KCNH7: variants seen among roughly 807,000 people sequenced by gnomAD.
KCNH7 encodes the protein potassium voltage-gated channel subfamily H member 7, also known as voltage-gated inwardly rectifying potassium channel KCNH7.
KCNH7 carries 49 observed loss-of-function variants against 120.8 expected under a neutral mutation model. The ratio of observed to expected loss-of-function variants is 0.41; its 90% CI spans 0.32 to 0.51. The LOEUF (loss-of-function observed/expected upper bound fraction) is 0.51, where lower values mean the gene tolerates loss of function less well. Ranked by LOEUF, KCNH7 falls within the 20% of genes least tolerant of loss-of-function variation. KCNH7 has a pLI of 0.38. For synonymous variants in KCNH7, 547 were observed against 516.1 expected (o/e 1.06, Z -0.81); for missense variants, 1,097 against 1,446.6 (o/e 0.76, Z 3.92).
At chr2:162,829,564 G>A (rs1308609479) in intron 2 of KCNH7, among the ~76,000 whole-genome samples, 4 of 152,114 alleles carry the variant, frequency 2.6e-5, no homozygotes, top group Non-Finnish European at 5.9e-5. Flanking sequence ...TAAGTCATTG[G>A]TGGGGTAGCA....
At chr2:162,490,455 T>C (rs1690259031) in intron 6 of KCNH7, among the ~76,000 whole-genome samples, 1 of 152,216 alleles carries the variant, frequency 6.6e-6, no homozygotes, top group African/African-American at 2.4e-5. Context: ...TCTTCCTGGT[T>C]GTAAGACAAG....
intron 2 of KCNH7, among the ~76,000 whole-genome samples, chr2:162,626,942 G>T (rs1263193014): frequency 6.6e-6 from 1 of 152,140 alleles, no homozygotes; most frequent in African/African-American, 2.4e-5. Flanking sequence ...TCAAAGATAA[G>T]AATTTTAAAA....
rs113105007 is a variant in KCNH7 at position 162,414,541 on chromosome 2, C to T, written c.2154+8795G>A. On this transcript the variant is annotated intron_variant, in intron 9 of 15. Transcript: ENST00000332142. ...ATTAGCCAAGTTGGAGATATTTTCA[C>T]GAGATATTAAGGGAGAAACATGGAC... is the stretch of plus-strand genomic sequence containing the variant. Among the ~76,000 whole-genome samples, 449 of 151,520 alleles carry T rather than the reference C, an allele frequency of 3.0e-3. 2 individuals carry two copies. The highest frequency in any genetic ancestry group is 9.5e-3 in the African/African-American group (392 of 41,340).
intron 2 of KCNH7, among the ~76,000 whole-genome samples, chr2:162,568,198 A>C (rs1300506464): frequency 6.6e-6 from 1 of 151,994 alleles, no homozygotes; most frequent in East Asian, 1.9e-4. Flanking sequence ...TATCACGAGA[A>C]CAACATGGGG....
chr2:162,586,379 G>C (rs1694021659), intron 2 of KCNH7, among the ~76,000 whole-genome samples: 1 of 152,038 alleles, frequency 6.6e-6, no homozygotes, highest in South Asian at 2.1e-4. Flanking sequence ...ACCACGTGGG[G>C]AGAAAGGCCC....
chr2:162,492,680 T>G (rs1690348700), intron 6 of KCNH7, among the ~76,000 whole-genome samples: 1 of 152,162 alleles, frequency 6.6e-6, no homozygotes, highest in South Asian at 2.1e-4. Context: ...GCTTATTGGC[T>G]TCACCTGTGA....
At chr2:162,638,174 T>C (rs976170800) in intron 2 of KCNH7, among the ~76,000 whole-genome samples, 5 of 152,168 alleles carry the variant, frequency 3.3e-5, no homozygotes, top group South Asian at 4.1e-4. Flanking sequence ...ATACCAAGGA[T>C]TGTGCTATAA....
chr2:162,663,701 T>C (rs573766779), intron 2 of KCNH7, among the ~76,000 whole-genome samples: 2 of 152,050 alleles, frequency 1.3e-5, no homozygotes, highest in African/African-American at 4.8e-5. Flanking sequence ...CTAATATTAG[T>C]ATTGAAAATA....
At chr2:162,742,618 AAT>A (rs1431551687) in intron 2 of KCNH7, among the ~76,000 whole-genome samples, 1 of 152,194 alleles carries the variant, frequency 6.6e-6, no homozygotes, top group Admixed American at 6.5e-5. Context: ...AATTATCTGC[AAT>A]TCAACTAATT....
intron 5 of KCNH7, among the ~76,000 whole-genome samples, chr2:162,508,288 C>A (rs1053838358): frequency 1.3e-5 from 2 of 149,990 alleles, no homozygotes; most frequent in African/African-American, 4.9e-5. Context: ...CTCTTATTTG[C>A]AGGTAGAAAA....
chr2:162,499,770 G>A (rs909515259), intron 6 of KCNH7, among the ~76,000 whole-genome samples: 5 of 152,028 alleles, frequency 3.3e-5, no homozygotes, highest in South Asian at 4.1e-4. Context: ...ATCATACCAG[G>A]CACTGGTCAT....
At chr2:162,563,811 A>T (rs774669259) in intron 2 of KCNH7, among the ~76,000 whole-genome samples, 2 of 152,124 alleles carry the variant, frequency 1.3e-5, no homozygotes, top group Non-Finnish European at 2.9e-5. Context: ...ACAATCTGTC[A>T]TCTTACAAAG....
At chr2:162,750,522 G>A (rs1688501609) in intron 2 of KCNH7, among the ~76,000 whole-genome samples, 1 of 152,016 alleles carries the variant, frequency 6.6e-6, no homozygotes, top group African/African-American at 2.4e-5. Flanking sequence ...CATAAAGTGT[G>A]TGCAAAAGAA....
At chr2:162,547,847 G>A (rs921417428) in intron 2 of KCNH7, among the ~76,000 whole-genome samples, 12 of 152,158 alleles carry the variant, frequency 7.9e-5, no homozygotes, top group South Asian at 2.1e-4. Context: ...AGGAAAAGGC[G>A]TGTTTTAAGA....
rs67006443 is a variant in KCNH7, at chr2:162,492,865, GTTTTTTTT to G, written c.1128+11570_1128+11577del. On this transcript the variant is annotated intron_variant, in intron 6 of 15. Coordinates refer to ENST00000332142, the MANE Select transcript of KCNH7 (RefSeq NM_033272.4). ...CTATGTTTTTCTCTTCTTGGATCTT[GTTTTTTTT>G]TTTTTTTTTTTTTTTTTTTGGAAAA... Among the ~76,000 whole-genome samples the G allele has an allele frequency of 2.6e-3, 147 of 57,200 alleles. 2 individuals are homozygous for G. Among genetic ancestry groups the G allele is most frequent in the Middle Eastern group, 0.02 (1 of 50 alleles). 37.5% of individuals were successfully genotyped at this position (57,200 alleles called of 152,430 possible).
At chr2:162,418,874 G>A (rs1046371785) in intron 9 of KCNH7, among the ~76,000 whole-genome samples, 7 of 152,046 alleles carry the variant, frequency 4.6e-5, no homozygotes, top group Non-Finnish European at 1.5e-5. Context: ...ACTTTTGACT[G>A]GCTTTGTTCA....
chr2:162,498,501 G>A (rs928498808), intron 6 of KCNH7, among the ~76,000 whole-genome samples: 1 of 150,710 alleles, frequency 6.6e-6, no homozygotes, highest in Non-Finnish European at 1.5e-5. Flanking sequence ...TGGGGGGGAG[G>A]GTGGGGGTGT....
rs529096785 is a variant in KCNH7, at chr2:162,562,641, G to A, written c.308-25561C>T. The stretch of plus-strand genomic sequence containing the variant: ...CACTGGGTCCTGCTCACTTGGACCT[G>A]GGCTTTGAGGAAGCTGAGGGTGTTG... On this transcript the variant is annotated intron_variant, in intron 2 of 15. Transcript: ENST00000332142. Among the ~76,000 whole-genome samples the A allele has an allele frequency of 2.6e-5, 4 of 152,300 alleles. No homozygotes were observed. The South Asian group carries it at 8.3e-4, about 32-fold the overall frequency.
intron 3 of KCNH7, among the ~76,000 whole-genome samples, chr2:162,526,623 G>T (rs1038732478): frequency 6.6e-6 from 1 of 151,938 alleles, no homozygotes; most frequent in East Asian, 2.0e-4. Flanking sequence ...GCTCTGTTCC[G>T]CCTGGCTCAC....
Sources: allele counts gnomAD v4.1 joint callset (sites outside exome capture counted in the v4.1 genomes callset), GRCh38; gene constraint gnomAD v4.1.1; transcripts MANE v1.5; gene names NCBI Gene and HGNC (gene_info 2026-07-23, HGNC 2026-07-21).